LRP1B: variants seen among roughly 807,000 people sequenced by gnomAD.
The protein encoded by LRP1B is LDL receptor related protein 1B.
Under a neutral mutation model 556.6 loss-of-function variants are expected in LRP1B, and 217 were observed. The observed-to-expected ratio is 0.39, with a 90% CI of 0.35 to 0.44. LRP1B has a LOEUF of 0.44. Ranked by LOEUF, LRP1B falls within the 20% of genes least tolerant of loss-of-function variation. The probability of loss-of-function intolerance (pLI) is 1.00; values close to 1 mark genes in which losing one functional copy is unlikely to be tolerated. For synonymous variants in LRP1B, 2,047 were observed against 1,865.8 expected (o/e 1.10, Z -2.50); for missense variants, 5,053 against 5,620.8 (o/e 0.90, Z 3.23).
At chr2:140,787,505 G>A (rs2104977253) in intron 32 of LRP1B, among the ~76,000 whole-genome samples, 1 of 145,372 alleles carries the variant, frequency 6.9e-6, no homozygotes, top group East Asian at 2.2e-4. Flanking sequence ...AGCATTCATA[G>A]TCTTAAAGGA....
chr2:140,557,329 T>G (rs1267032950), intron 43 of LRP1B, among the ~76,000 whole-genome samples: 1 of 152,176 alleles, frequency 6.6e-6, no homozygotes, highest in African/African-American at 2.4e-5. Flanking sequence ...TCTTTAAAAT[T>G]AAATATATGC....
intron 18 of LRP1B, among the ~76,000 whole-genome samples, chr2:140,964,489 T>C (rs1696137758): frequency 6.6e-6 from 1 of 152,074 alleles, no homozygotes; most frequent in South Asian, 2.1e-4. Context: ...CATGATCCGC[T>C]TGGTGACGGG....
rs116641306 is a variant in LRP1B, at chr2:141,655,136, A to G, written c.205+155143T>C. Among the ~76,000 whole-genome samples the G allele has an allele frequency of 5.4e-3, 816 of 152,320 alleles. 14 individuals are homozygous for G. The highest frequency in any genetic ancestry group is 0.019 in the African/African-American group (780 of 41,586). ...GAAGAGGGACGGACTGAGGAGCGTA[A>G]GTATTGACTTGAGGAAAGTTGACTT... On this transcript the variant is annotated intron_variant, in intron 2 of 90. Coordinates refer to ENST00000389484, the MANE Select transcript of LRP1B (RefSeq NM_018557.3).
intron 1 of LRP1B, among the ~76,000 whole-genome samples, chr2:142,026,682 T>C (rs932287224): frequency 1.3e-5 from 2 of 152,002 alleles, no homozygotes; most frequent in Non-Finnish European, 2.9e-5. Flanking sequence ...AAAGATGATG[T>C]TTTGGTGGGA....
At position 141,480,483 on chromosome 2, in the gene LRP1B, C is replaced by G. The variant is rs2105090158; in HGVS notation, c.256G>C (p.Gly86Arg). ...GATAAATGAACACATTTGTTGGTACCAAGGCAAGCAATGTGATTCAAGGGG... is the reference window on the plus strand; with the variant it reads ...GATAAATGAACACATTTGTTGGTACGAAGGCAAGCAATGTGATTCAAGGGG... ...KCPLNHIACLGTNKCVHLSQL... is the reference protein window; with the variant it reads ...KCPLNHIACLRTNKCVHLSQL... Residue 86 changes from glycine to arginine, a missense_variant, in exon 3 of 91, where the codon GGT becomes CGT. By Grantham distance (125) the Gly-to-Arg change is moderately radical. Transcript: ENST00000389484. The G allele has an allele frequency of 1.9e-6, 3 of 1,613,904 alleles. No homozygotes were observed. The highest frequency in any genetic ancestry group is 2.5e-6 in the Non-Finnish European group (3 of 1,179,906).
At chr2:141,853,528 G>C (rs529019685) in intron 1 of LRP1B, among the ~76,000 whole-genome samples, 1 of 151,258 alleles carries the variant, frequency 6.6e-6, no homozygotes, top group Non-Finnish European at 1.5e-5. Context: ...TATGTATGTT[G>C]TCTCGGTATT....
chr2:140,350,752 G>A (rs1181149182), intron 77 of LRP1B, 45 bp downstream of exon 77: 2 of 1,564,348 alleles, frequency 1.3e-6, no homozygotes, highest in Admixed American at 2.0e-5. Context: ...AAAAGCAGGT[G>A]GGGAAAAGGT....
chr2:140,505,682 A>AT (rs1341147675), intron 53 of LRP1B, among the ~76,000 whole-genome samples: 1 of 152,206 alleles, frequency 6.6e-6, no homozygotes, highest in Admixed American at 6.5e-5. Flanking sequence ...ATATCACATC[A>AT]AATGTAAGAC....
chr2:141,031,928 A>G (rs577234149), intron 11 of LRP1B, among the ~76,000 whole-genome samples: 6 of 152,128 alleles, frequency 3.9e-5, no homozygotes, highest in Non-Finnish European at 8.8e-5. Context: ...TGCACCAAAA[A>G]AAAAACTTGT....
chr2:142,036,533 AT>A (rs1185751911), intron 1 of LRP1B, among the ~76,000 whole-genome samples: 3 of 151,724 alleles, frequency 2.0e-5, no homozygotes, highest in African/African-American at 7.2e-5. Context: ...AATATGAAAA[AT>A]ACTTGTATAT....
chr2:140,491,902 C>T (rs561788365), intron 57 of LRP1B, among the ~76,000 whole-genome samples: 2 of 152,084 alleles, frequency 1.3e-5, no homozygotes, highest in South Asian at 2.1e-4. Flanking sequence ...CAGGATAAGG[C>T]GAGTGTACAT....
intron 71 of LRP1B, among the ~76,000 whole-genome samples, chr2:140,370,216 A>G (rs1316777361): frequency 6.6e-6 from 1 of 152,038 alleles, no homozygotes; most frequent in Non-Finnish European, 1.5e-5. Flanking sequence ...TTATTTTCTC[A>G]GTGATACGGC....
At chr2:141,680,405 G>T (rs1691060490) in intron 2 of LRP1B, among the ~76,000 whole-genome samples, 1 of 152,086 alleles carries the variant, frequency 6.6e-6, no homozygotes, top group Non-Finnish European at 1.5e-5. Context: ...GCAAATAAAT[G>T]GGAAAAATAA....
At chr2:141,903,347 T>C (rs989623387) in intron 1 of LRP1B, among the ~76,000 whole-genome samples, 3 of 151,912 alleles carry the variant, frequency 2.0e-5, no homozygotes, top group African/African-American at 7.2e-5. Context: ...TAAATCTGGA[T>C]TGGATTCTGG....
chr2:140,990,692 G>A (rs543118925), intron 16 of LRP1B, among the ~76,000 whole-genome samples: 1 of 152,006 alleles, frequency 6.6e-6, no homozygotes, highest in Admixed American at 6.6e-5. Flanking sequence ...CAATATCCAA[G>A]CACAACAGGA....
intron 43 of LRP1B, among the ~76,000 whole-genome samples, chr2:140,558,943 A>G (rs1450147518): frequency 1.8e-5 from 2 of 113,302 alleles, no homozygotes; most frequent in African/African-American, 7.5e-5. Flanking sequence ...CTCCAAAAGG[A>G]AAAAAAAAAA....
intron 35 of LRP1B, among the ~76,000 whole-genome samples, chr2:140,730,695 G>A (rs1428821378): frequency 6.6e-6 from 1 of 152,036 alleles, no homozygotes; most frequent in Non-Finnish European, 1.5e-5. Context: ...AAGTAGCTGG[G>A]ATTACAGGCA....
chr2:141,809,867 A>C (rs16847202), intron 2 of LRP1B, among the ~76,000 whole-genome samples: 16,399 of 151,876 alleles, frequency 0.11, 1,132 homozygotes, highest in African/African-American at 0.19. Context: ...AAAATGTGTG[A>C]GATAATTTAT....
At chr2:140,293,675 CG>C (rs1165020668) in intron 84 of LRP1B, among the ~76,000 whole-genome samples, 1 of 152,088 alleles carries the variant, frequency 6.6e-6, no homozygotes, top group Non-Finnish European at 1.5e-5. Context: ...TGAACCTTGT[CG>C]GCTTACATCT....
Sources: allele counts gnomAD v4.1 joint callset (sites outside exome capture counted in the v4.1 genomes callset), GRCh38; gene constraint gnomAD v4.1.1; transcripts MANE v1.5; gene names NCBI Gene and HGNC (gene_info 2026-07-23, HGNC 2026-07-21).